The following PLAT variants were observed in gnomAD, a reference collection of about 807,000 sequenced individuals.
The protein encoded by PLAT is plasminogen activator, tissue type.
In PLAT, 48 loss-of-function variants were observed where a neutral mutation model predicts 74.9. The ratio of observed to expected loss-of-function variants is 0.64; its 90% confidence interval spans 0.51 to 0.82. The LOEUF is 0.82. Ranked by LOEUF, PLAT falls within the 40% of genes least tolerant of loss-of-function variation. The pLI is 0.00. For missense variants in PLAT, 673 were observed against 736.2 expected, an observed-to-expected ratio of 0.91 and a Z score of 0.99; for synonymous variants, 307 against 294.4, an observed-to-expected ratio of 1.04 and a Z score of -0.44.
chr8:42,175,171 T>C lies in PLAT; in HGVS notation c.*822A>G, dbSNP rs2129672324. On this transcript the variant is annotated 3_prime_UTR_variant, in exon 14 of 14. Coordinates refer to ENST00000220809, the MANE Select transcript of PLAT (RefSeq NM_000930.5). Reference sequence around the variant, plus strand: ...AGTGAAGCAGAATTCCAAATGATTTTAAAATGTGAACATGAATAAAGAGTG... The same window carrying C: ...AGTGAAGCAGAATTCCAAATGATTTCAAAATGTGAACATGAATAAAGAGTG... 1 of 152,316 alleles carries C rather than the reference T, an allele frequency of 6.6e-6. No individual in the cohort carries two copies. Among genetic ancestry groups the C allele is most frequent in the Non-Finnish European group, 1.5e-5 (1 of 68,040 alleles). The allele number at this position is 152,316 out of a possible 1,614,324, so 9.4% of individuals were successfully genotyped here.
At chr8:42,176,182 CA>C in intron 13 of PLAT, 31 bp from the exon 14 acceptor site, 7 of 1,574,084 alleles carry the variant, frequency 4.4e-6, no homozygotes, top group African/African-American at 1.4e-5. Flanking sequence ...TTGGCGTTTG[CA>C]AAAAAAGCAG....
At chr8:42,188,213 C>T (rs1301780547) in intron 4 of PLAT, 197 bp from the exon 5 acceptor site, 3 of 506,108 alleles carry the variant, frequency 5.9e-6, no homozygotes, top group South Asian at 6.3e-5. Context: ...ATAAGTGGAC[C>T]CTGCAGGTCA....
chr8:42,192,713 G>A (rs1805732888), intron 2 of PLAT, among the ~76,000 whole-genome samples: 1 of 152,156 alleles, frequency 6.6e-6, no homozygotes. Context: ...TCTATATGAG[G>A]AACTTGAGTA....
chr8:42,182,988 G>A, intron 7 of PLAT, 98 bp from the exon 8 acceptor site: 1 of 908,002 alleles, frequency 1.1e-6, no homozygotes, highest in Non-Finnish European at 1.7e-6. Context: ...GAGGAAGCTG[G>A]AGGCCGCTAG....
intron 1 of PLAT, among the ~76,000 whole-genome samples, chr8:42,203,992 TACACACAC>T (rs775189467): frequency 4.6e-4 from 50 of 109,828 alleles, no homozygotes; most frequent in South Asian, 3.1e-3. Flanking sequence ...TATATATATA[TACACACAC>T]ACACACACAC....
rs1373508287 is a variant in PLAT, at chr8:42,189,010, A to G, written c.177T>C (p.Pro59=). Residue 59 remains proline (P), a synonymous_variant, in exon 4 of 14, where the codon CCT becomes CCC. Coordinates refer to ENST00000220809, the MANE Select transcript of PLAT (RefSeq NM_000930.5). Reference sequence around the variant, plus strand: ...ATTCCACCCGGTTGCTTCTGAGCACAGGGCGCAGCCATGACTGATGTTGCT... The same window carrying G: ...ATTCCACCCGGTTGCTTCTGAGCACGGGGCGCAGCCATGACTGATGTTGCT... ...IYQQHQSWLR[P]VLRSNRVEYC... 1.2e-6 allele frequency: 2 copies of G among 1,614,056 alleles called. No individual in the cohort carries two copies. Among genetic ancestry groups the G allele is most frequent in the South Asian group, 1.1e-5 (1 of 91,088 alleles).
At chr8:42,188,909 A>C (rs1410392043) in intron 4 of PLAT, 25 bp downstream of exon 4, 1 of 1,599,166 alleles carries the variant, frequency 6.3e-7, no homozygotes, top group Admixed American at 1.7e-5. Flanking sequence ...ACAGGCATGC[A>C]CCACCTCCCA....
Position 42,182,821 on chromosome 8 carries a change from G to A in PLAT, c.701C>T (p.Ala234Val). 1 of 1,612,580 alleles carries A rather than the reference G, an allele frequency of 6.2e-7. No homozygotes were observed. Among genetic ancestry groups the A allele is most frequent in the Non-Finnish European group, 8.5e-7 (1 of 1,178,584 alleles). Residue 234 changes from alanine (A) to valine (V), a missense_variant, in exon 8 of 14, where the codon GCC (alanine) becomes GTC (valine). By Grantham distance (64) the Ala-to-Val change is moderately conservative (BLOSUM62 0). Coordinates refer to ENST00000220809, the MANE Select transcript of PLAT (RefSeq NM_000930.5). ...RGTHSLTESGASCLPWNSMIL... is the reference protein window; with the variant it reads ...RGTHSLTESGVSCLPWNSMIL... ...CATGGAATTCCACGGGAGGCAGGAGGCACCCGACTCGGTGAGGCTGTGCGT... is the reference window on the plus strand; with the variant it reads ...CATGGAATTCCACGGGAGGCAGGAGACACCCGACTCGGTGAGGCTGTGCGT...
intron 1 of PLAT, among the ~76,000 whole-genome samples, chr8:42,207,074 G>A (rs1362219084): frequency 6.6e-6 from 1 of 152,178 alleles, no homozygotes; most frequent in Non-Finnish European, 1.5e-5. Flanking sequence ...GGGGAGGGAG[G>A]AAACTAGGGG....
In PLAT at chr8:42,187,459, G is replaced by A. The variant is rs751258988; in HGVS notation, c.478C>T (p.Pro160Ser). Reference sequence around the variant, plus strand: ...GCGTCTGGCCTCCGCCCGCTGTAGGGCTTCTGGGCCAACGCGCTGCTGTTC... The same window carrying A: ...GCGTCTGGCCTCCGCCCGCTGTAGGACTTCTGGGCCAACGCGCTGCTGTTC... ...NWNSSALAQK[P>S]YSGRRPDAIR... Residue 160 changes from proline to serine, a missense_variant, in exon 6 of 14, where the codon CCC (proline) becomes TCC (serine). Physicochemically the swap from Pro to Ser is moderately conservative, Grantham distance 74. Coordinates refer to ENST00000220809, the MANE Select transcript of PLAT (RefSeq NM_000930.5). The A allele has an allele frequency of 6.2e-7, 1 of 1,606,970 alleles. No individual in the cohort carries two copies.
chr8:42,193,403 CA>C (rs1271552608), intron 1 of PLAT, among the ~76,000 whole-genome samples, 192 bp from the exon 2 acceptor site: 1 of 152,148 alleles, frequency 6.6e-6, no homozygotes, highest in Non-Finnish European at 1.5e-5. Flanking sequence ...ATATATAACA[CA>C]AAATTTACCA....
chr8:42,198,959 C>T (rs1265485671), intron 1 of PLAT, among the ~76,000 whole-genome samples: 6 of 152,180 alleles, frequency 3.9e-5, no homozygotes, highest in African/African-American at 1.2e-4. Context: ...AGCAAAGGCA[C>T]GTTTCTAGAG....
In PLAT at chr8:42,187,500, G is replaced by A; in HGVS notation, c.437C>T (p.Ala146Val). 3 of 1,611,494 alleles carry A rather than the reference G, an allele frequency of 1.9e-6. No individual in the cohort carries two copies. Among genetic ancestry groups the A allele is most frequent in the Non-Finnish European group, 1.7e-6 (2 of 1,179,854 alleles). ...GCTGCTGTTCCAGTTGGTGCACTCG[G>A]CGCCACTCTCCGCTGTGCTCCACGT... ...RGTWSTAESG[A>V]ECTNWNSSAL... Residue 146 changes from alanine (A) to valine (V), a missense_variant, in exon 6 of 14, where the codon GCC (alanine) becomes GTC (valine). By Grantham distance (64) the Ala-to-Val change is moderately conservative. Coordinates refer to ENST00000220809, the MANE Select transcript of PLAT (RefSeq NM_000930.5).
chr8:42,178,235 C>G (rs943857701), intron 13 of PLAT, among the ~76,000 whole-genome samples: 2 of 150,786 alleles, frequency 1.3e-5, no homozygotes, highest in Non-Finnish European at 2.9e-5. Flanking sequence ...CTCCAATTCT[C>G]TAGTGCCAAC....
chr8:42,200,814 T>C (rs193067449), intron 1 of PLAT, among the ~76,000 whole-genome samples: 1 of 152,184 alleles, frequency 6.6e-6, no homozygotes, highest in Admixed American at 6.5e-5. Context: ...TCACTGTCTA[T>C]GTGACACCCA....
Position 42,202,525 on chromosome 8 carries a change from C to A in PLAT, c.-27+4969G>T, listed in dbSNP as rs533991183. Among the ~76,000 whole-genome samples the A allele has an allele frequency of 1.1e-4, 17 of 151,950 alleles. No homozygotes were observed. In the South Asian group the frequency reaches 3.3e-3, roughly 30 times the overall value. On this transcript the variant is annotated intron_variant, in intron 1 of 13. Coordinates refer to ENST00000220809, the MANE Select transcript of PLAT (RefSeq NM_000930.5). ...CCACCCTGCCCCCCCAGCCCTCAAG[C>A]ACCCACATGAGCTGCTTCTCTGTTA...
chr8:42,194,233 AGAGAGAGAGTGTGTGTGT>A (rs1364072195), intron 1 of PLAT, among the ~76,000 whole-genome samples: 8 of 61,316 alleles, frequency 1.3e-4, no homozygotes, highest in African/African-American at 3.9e-4. Flanking sequence ...AGAGAGAGAG[AGAGAGAGAGTGTGTGTGT>A]GTGTGTGTGT....
intron 1 of PLAT, among the ~76,000 whole-genome samples, chr8:42,206,854 C>T (rs1003020325): frequency 4.6e-5 from 7 of 152,184 alleles, no homozygotes; most frequent in African/African-American, 1.7e-4. Context: ...GACTGATGCA[C>T]CCTGGGCAAA....
intron 2 of PLAT, 143 bp downstream of exon 2, chr8:42,192,971 C>T: frequency 1.6e-6 from 1 of 634,764 alleles, no homozygotes; most frequent in Non-Finnish European, 2.8e-6. Flanking sequence ...GTGTGCTCCA[C>T]AGCAATGCCA....
Sources: allele counts gnomAD v4.1 joint callset (sites outside exome capture counted in the v4.1 genomes callset), GRCh38; gene constraint gnomAD v4.1.1; transcripts MANE v1.5; gene names NCBI Gene and HGNC (gene_info 2026-07-23, HGNC 2026-07-21).